Variants in NDEL1 observed in about 807,000 individuals in gnomAD.
The protein encoded by NDEL1 is nudE neurodevelopment protein 1 like 1.
Under a neutral mutation model 45.7 loss-of-function variants are expected in NDEL1, and 9 were observed. The observed-to-expected ratio is 0.20, with a 90% CI of 0.12 to 0.34. The LOEUF is 0.34. NDEL1 is among the 10% of genes least tolerant of loss of function. The pLI is 1.00. For missense variants in NDEL1, 306 were observed against 406.2 expected (o/e 0.75, Z 2.12); for synonymous variants, 133 against 158.6 (o/e 0.84, Z 1.21).
In NDEL1 at chr17:8,421,445, G is replaced by A. The variant is rs577294727; in HGVS notation, c.-13+8176G>A. ...TTATCAAAGTCAGAGAAGGCAATAT[G>A]ATGATGGAAGCAGCTATTGGAACAA... On this transcript the variant is annotated intron_variant, in intron 1 of 4. Transcript: ENST00000582812. 9.9e-5 allele frequency among the ~76,000 whole-genome samples: 15 copies of A among 152,270 alleles called. No individual in the cohort carries two copies. In the South Asian group the frequency reaches 1.9e-3, roughly 19 times the overall value.
At chr17:8,418,723 C>A (rs1194640909) in intron 1 of NDEL1, among the ~76,000 whole-genome samples, 1 of 149,876 alleles carries the variant, frequency 6.7e-6, no homozygotes, top group Non-Finnish European at 1.5e-5. Context: ...CTCTCTCTCT[C>A]TTTCCTTCCT....
At chr17:8,463,786 G>A (rs924052124) in intron 8 of NDEL1, among the ~76,000 whole-genome samples, 2 of 152,200 alleles carry the variant, frequency 1.3e-5, no homozygotes, top group Non-Finnish European at 2.9e-5. Context: ...TCACCTCTGC[G>A]CTCACGCATG....
intron 1 of NDEL1, among the ~76,000 whole-genome samples, chr17:8,443,665 A>T (rs1394517243): frequency 3.3e-5 from 5 of 152,120 alleles, no homozygotes; most frequent in African/African-American, 1.2e-4. Context: ...AAGAACCAGG[A>T]TGAGAGAGAG....
intron 1 of NDEL1, among the ~76,000 whole-genome samples, chr17:8,439,090 C>T (rs1158012628): frequency 6.7e-6 from 1 of 150,008 alleles, no homozygotes; most frequent in Non-Finnish European, 1.5e-5. Context: ...TGCAGGTGCC[C>T]ACCACCACGC....
intron 1 of NDEL1, among the ~76,000 whole-genome samples, chr17:8,414,573 A>T (rs1354442411): frequency 6.6e-6 from 1 of 152,174 alleles, no homozygotes; most frequent in Non-Finnish European, 1.5e-5. Context: ...AGGCTGAGGC[A>T]GGAGAATGGT....
intron 8 of NDEL1, chr17:8,464,561 C>T (rs1911450617): frequency 6.6e-6 from 1 of 152,158 alleles, no homozygotes; most frequent in African/African-American, 2.4e-5. Context: ...ATTGATGTTC[C>T]CTCTCTACTC....
chr17:8,429,545 G>C (rs1169705723), intron 1 of NDEL1, among the ~76,000 whole-genome samples: 1 of 152,186 alleles, frequency 6.6e-6, no homozygotes, highest in Admixed American at 6.5e-5. Context: ...TCAAAAGGCA[G>C]AGGAGAAGGT....
At chr17:8,426,001 G>A (rs1347963307) in intron 1 of NDEL1, among the ~76,000 whole-genome samples, 1 of 152,144 alleles carries the variant, frequency 6.6e-6, no homozygotes, top group Non-Finnish European at 1.5e-5. Flanking sequence ...TGTTACACAG[G>A]CTGGTTTTGA....
At chr17:8,452,740 C>CTTTTTTTTT in intron 6 of NDEL1, among the ~76,000 whole-genome samples, 3 of 95,590 alleles carry the variant, frequency 3.1e-5, no homozygotes, top group African/African-American at 4.1e-5. Flanking sequence ...TTTTTCTTCT[C>CTTTTTTTTT]TTTTTTTTTT....
At position 8,415,071 on chromosome 17, in the gene NDEL1, C is replaced by T. The variant is rs533068544; in HGVS notation, c.-13+1802C>T. Among the ~76,000 whole-genome samples the T allele has an allele frequency of 2.0e-4, 31 of 152,092 alleles. 1 individual carries two copies. The South Asian group carries it at 6.4e-3, about 32-fold the overall frequency. On this transcript the variant is annotated intron_variant, in intron 1 of 4. Transcript: ENST00000582812. Reference sequence around the variant, plus strand: ...TCCCTTTTCTCTTTCTTGTGTGAATCCTCTCTCTTTTGGATACCACCTTCC... The same window carrying T: ...TCCCTTTTCTCTTTCTTGTGTGAATTCTCTCTCTTTTGGATACCACCTTCC...
chr17:8,456,645 C>T (rs1173739079), intron 7 of NDEL1, among the ~76,000 whole-genome samples: 2 of 152,154 alleles, frequency 1.3e-5, no homozygotes, highest in South Asian at 2.1e-4. Context: ...ATTACAGGCA[C>T]ATGCCACCAC....
intron 6 of NDEL1, among the ~76,000 whole-genome samples, chr17:8,454,134 A>C (rs1910687377): frequency 6.6e-6 from 1 of 152,200 alleles, no homozygotes; most frequent in African/African-American, 2.4e-5. Flanking sequence ...TTATGACATT[A>C]AGATGGAAAA....
chr17:8,450,213 C>T (rs979046352), intron 5 of NDEL1, among the ~76,000 whole-genome samples: 5 of 150,580 alleles, frequency 3.3e-5, no homozygotes, highest in Non-Finnish European at 7.4e-5. Flanking sequence ...CGCTTGAACC[C>T]AGGAGGTGGA....
intron 1 of NDEL1, among the ~76,000 whole-genome samples, chr17:8,438,747 C>T (rs566789362): frequency 1.3e-5 from 2 of 152,064 alleles, no homozygotes; most frequent in Admixed American, 1.3e-4. Context: ...AAGTTCCAGG[C>T]TCAACTGACA....
intron 2 of NDEL1, among the ~76,000 whole-genome samples, chr17:8,445,238 A>C (rs1177320122): frequency 6.6e-6 from 1 of 152,220 alleles, no homozygotes; most frequent in Non-Finnish European, 1.5e-5. Flanking sequence ...TTCTCTATTA[A>C]TGCATTAAAT....
chr17:8,472,319 G>T (rs945054480), downstream of NDEL1, among the ~76,000 whole-genome samples: 1 of 152,148 alleles, frequency 6.6e-6, no homozygotes. Context: ...ATAGCCTGAT[G>T]CCATCAGGAA....
rs145088964 is a variant in NDEL1, at chr17:8,418,395, C to T, written c.-13+5126C>T. 1.2e-3 allele frequency among the ~76,000 whole-genome samples: 184 copies of T among 152,306 alleles called. 2 individuals are homozygous for T. The highest frequency in any genetic ancestry group is 3.9e-3 in the East Asian group (20 of 5,194). ...ACTAACATTGGGTATTACCATTTGT[C>T]TTAAATTTTGCTAATCTGATAAGCA... On this transcript the variant is annotated intron_variant, in intron 1 of 4. Transcript: ENST00000582812.
At chr17:8,459,543 T>A (rs1412993125) in intron 7 of NDEL1, among the ~76,000 whole-genome samples, 1 of 152,156 alleles carries the variant, frequency 6.6e-6, no homozygotes, top group Non-Finnish European at 1.5e-5. Context: ...TCCATTCTCA[T>A]GCAGTAGAAA....
At chr17:8,442,860 G>T (rs1171124863) in intron 1 of NDEL1, among the ~76,000 whole-genome samples, 3 of 147,530 alleles carry the variant, frequency 2.0e-5, no homozygotes, top group African/African-American at 7.5e-5. Context: ...CGCAATCTTG[G>T]CTCACTGCAA....
Sources: allele counts gnomAD v4.1 joint callset (sites outside exome capture counted in the v4.1 genomes callset), GRCh38; gene constraint gnomAD v4.1.1; transcripts MANE v1.5; gene names NCBI Gene and HGNC (gene_info 2026-07-23, HGNC 2026-07-21).